The following UGT1A3 variants were observed in gnomAD, a reference collection of about 807,000 sequenced individuals.
UGT1A3 encodes the protein UDP glucuronosyltransferase family 1 member A3.
Under a neutral mutation model 41.0 loss-of-function variants are expected in UGT1A3, and 31 were observed. The observed-to-expected ratio is 0.76, with a 90% CI of 0.57 to 1.02. The LOEUF (loss-of-function observed/expected upper bound fraction) is 1.02, where lower values mean the gene tolerates loss of function less well. Among genes scored for constraint, UGT1A3 ranks in the 50% least tolerant of loss-of-function variants. The pLI is 0.00. For missense variants in UGT1A3, 737 were observed against 671.0 expected, an observed-to-expected ratio of 1.10 and a Z score of -1.09; for synonymous variants, 262 against 257.6, an observed-to-expected ratio of 1.02 and a Z score of -0.17.
intron 1 of UGT1A3, among the ~76,000 whole-genome samples, chr2:233,757,479 A>C (rs1206962025): frequency 6.8e-6 from 1 of 148,148 alleles, no homozygotes; most frequent in Non-Finnish European, 1.5e-5. Flanking sequence ...CTCCAAAACC[A>C]TGGACTGGCA....
chr2:233,730,050 A>G (rs763653483), intron 1 of UGT1A3, 57 bp downstream of exon 1: 3 of 1,612,234 alleles, frequency 1.9e-6, no homozygotes, highest in Non-Finnish European at 1.7e-6. Context: ...TTTTAAAAAA[A>G]TGTATTTATT....
intron 1 of UGT1A3, among the ~76,000 whole-genome samples, chr2:233,763,740 G>A (rs752841443): frequency 3.7e-4 from 57 of 152,188 alleles, no homozygotes; most frequent in Non-Finnish European, 5.6e-4. Flanking sequence ...GCATTGGCGT[G>A]TCTTTGGTGT....
At chr2:233,766,269 TCGG>T (rs1349388778) in intron 1 of UGT1A3, among the ~76,000 whole-genome samples, 29 of 67,888 alleles carry the variant, frequency 4.3e-4, no homozygotes, top group Admixed American at 8.2e-4. Context: ...TGGCCCGGGC[TCGG>T]TGGCCCGGGC....
intron 1 of UGT1A3, among the ~76,000 whole-genome samples, chr2:233,744,344 C>A (rs1692781957): frequency 6.6e-6 from 1 of 151,846 alleles, no homozygotes; most frequent in African/African-American, 2.4e-5. Flanking sequence ...CTGACTGGGG[C>A]TGAAGACATC....
chr2:233,769,089 A>G lies in UGT1A3; in HGVS notation c.1307+650A>G, dbSNP rs1396019687. Among the ~76,000 whole-genome samples the G allele has an allele frequency of 1.3e-5, 2 of 152,242 alleles. No individual in the cohort carries two copies. The highest frequency in any genetic ancestry group is 4.8e-5 in the African/African-American group (2 of 41,460). ...AGAAATACTCCATTATAAGAAGCAT[A>G]GTATCTTTAAGAGAAAAACAACTCA... On this transcript the variant is annotated intron_variant, in intron 4 of 4. Transcript: ENST00000482026. The surrounding 1 kb of genome is among the most constrained non-coding windows in gnomAD (Gnocchi z 4.4).
rs146432524 is a variant in UGT1A3, at chr2:233,729,522, A to G, written c.396A>G (p.Leu132=). The change falls in exon 1 of 5, where the codon CTA becomes CTG. Residue 132 remains leucine (L), a synonymous_variant. Coordinates refer to ENST00000482026, the MANE Select transcript of UGT1A3 (RefSeq NM_019093.4). ...LVYHRSCVEL[L]HNEALIRHLN... ...ATCATAGGTCTTGTGTGGAGCTACT[A>G]CATAATGAGGCCCTGATCAGGCACC... 1,184 of 1,614,192 alleles carry G rather than the reference A, an allele frequency of 7.3e-4. 2 individuals carry two copies. Among genetic ancestry groups the G allele is most frequent in the Non-Finnish European group, 9.8e-4 (1,156 of 1,180,024 alleles).
At chr2:233,746,498 T>C (rs4663968) in intron 1 of UGT1A3, among the ~76,000 whole-genome samples, 12,171 of 151,768 alleles carry the variant, frequency 0.08, 741 homozygotes, top group East Asian at 0.2. Flanking sequence ...TGTCACTCTT[T>C]AGTAGCCCCC....
rs373107890 is a variant in UGT1A3 at position 233,743,700 on chromosome 2, C to T, written c.867+13707C>T. On this transcript the variant is annotated intron_variant, in intron 1 of 4. Transcript: ENST00000482026. ...CTGCCGCCTGTGCAGCCGCCCTCCG[C>T]CCCCGCCTCGCCATAGCGGTCATAG... is the stretch of plus-strand genomic sequence containing the variant. 182 of 1,367,322 alleles carry T rather than the reference C, an allele frequency of 1.3e-4. 1 individual carries two copies. The highest frequency in any genetic ancestry group is 1.8e-4 in the Non-Finnish European group (179 of 1,021,848). 84.7% of individuals were successfully genotyped at this position (1,367,322 alleles called of 1,614,324 possible).
At chr2:233,756,273 T>C (rs976483084) in intron 1 of UGT1A3, 1 of 152,230 alleles carries the variant, frequency 6.6e-6, no homozygotes. Context: ...TCAAGCTCCT[T>C]TTATAAAATG....
rs1316951869 is a variant in UGT1A3 at position 233,743,957 on chromosome 2, A to G, written c.867+13964A>G. ...CGGCCCACCAGGCACTGGCACAGCG[A>G]GCGGCAAGGCTGCCAGCACCCAGGC... is the stretch of plus-strand genomic sequence containing the variant. On this transcript the variant is annotated intron_variant, in intron 1 of 4. Coordinates refer to ENST00000482026, the MANE Select transcript of UGT1A3 (RefSeq NM_019093.4). 4 of 1,338,466 alleles carry G rather than the reference A, an allele frequency of 3.0e-6. No individual in the cohort carries two copies. The Admixed American group carries it at 8.0e-5, about 27-fold the overall frequency. The allele number at this position is 1,338,466 out of a possible 1,614,324, so 82.9% of individuals were successfully genotyped here.
intron 1 of UGT1A3, among the ~76,000 whole-genome samples, chr2:233,765,362 C>T (rs923355848): frequency 3.3e-5 from 5 of 152,128 alleles, no homozygotes; most frequent in African/African-American, 7.2e-5. Context: ...AACCCAGATG[C>T]CCATCAATGG....
rs1226081470 is a variant in UGT1A3, at chr2:233,729,226, G to C, written c.100G>C (p.Val34Leu). Reference protein sequence around the residue: ...PWAESGKVLVVPIDGSHWLSM... With the variant: ...PWAESGKVLVLPIDGSHWLSM... ...GGCTGAGAGTGGAAAGGTGTTGGTG[G>C]TGCCCATTGATGGCAGCCACTGGCT... The change falls in exon 1 of 5, where the codon GTG (valine) becomes CTG (leucine). Residue 34 changes from valine (V) to leucine (L), a missense_variant. By Grantham distance (32) the Val-to-Leu change is conservative (BLOSUM62 1). Coordinates refer to ENST00000482026, the MANE Select transcript of UGT1A3 (RefSeq NM_019093.4). 1.2e-6 allele frequency: 2 copies of C among 1,614,168 alleles called. No homozygotes were observed. The highest frequency in any genetic ancestry group is 3.3e-5 in the Admixed American group (2 of 60,026).
intron 1 of UGT1A3, among the ~76,000 whole-genome samples, chr2:233,732,486 A>G (rs780972639): frequency 6.6e-6 from 1 of 152,226 alleles, no homozygotes; most frequent in Non-Finnish European, 1.5e-5. Context: ...TAATTTTTGT[A>G]TAAGGCGTAA....
intron 1 of UGT1A3, among the ~76,000 whole-genome samples, chr2:233,749,150 C>G (rs1694128023): frequency 6.6e-6 from 1 of 151,782 alleles, no homozygotes; most frequent in Non-Finnish European, 1.5e-5. Flanking sequence ...ACTTCCATGA[C>G]TTGATCCTTT....
In UGT1A3 at chr2:233,772,428, G is replaced by A. The variant is rs747543462; in HGVS notation, c.1474G>A (p.Val492Met). The change falls in exon 5 of 5, where the codon GTG becomes ATG. Residue 492 changes from valine (V) to methionine (M), a missense_variant. Coordinates refer to ENST00000482026, the MANE Select transcript of UGT1A3 (RefSeq NM_019093.4). ...CTGGTACCAGTACCATTCCTTGGAC[G>A]TGATTGGTTTCCTCTTGGCCGTCGT... The part of the protein sequence containing the change: ...LTWYQYHSLD[V>M]IGFLLAVVLT... 9 of 1,614,096 alleles carry A rather than the reference G, an allele frequency of 5.6e-6. No homozygotes were observed. The highest frequency in any genetic ancestry group is 3.3e-5 in the Admixed American group (2 of 60,006).
chr2:233,772,801 T>A lies in UGT1A3; in HGVS notation c.*242T>A. ...CTTTGATCAGGATGACATGTGCCATTTTTCAGAGGACGTGCAGACAGGCTG... is the reference window on the plus strand; with the variant it reads ...CTTTGATCAGGATGACATGTGCCATATTTCAGAGGACGTGCAGACAGGCTG... On this transcript the variant is annotated 3_prime_UTR_variant, in exon 5 of 5. Coordinates refer to ENST00000482026, the MANE Select transcript of UGT1A3 (RefSeq NM_019093.4). The A allele has an allele frequency of 2.6e-6, 3 of 1,145,220 alleles. No homozygotes were observed. Among genetic ancestry groups the A allele is most frequent in the South Asian group, 3.5e-5 (2 of 57,704 alleles). 70.9% of individuals were successfully genotyped at this position (1,145,220 alleles called of 1,614,324 possible).
At chr2:233,739,662 G>A (rs1426546706) in intron 1 of UGT1A3, among the ~76,000 whole-genome samples, 1 of 152,182 alleles carries the variant, frequency 6.6e-6, no homozygotes, top group African/African-American at 2.4e-5. Context: ...TACCCCCATT[G>A]TGTCTTGGAA....
Position 233,743,419 on chromosome 2 carries a change from G to A in UGT1A3, c.867+13426G>A, listed in dbSNP as rs577178509. The A allele has an allele frequency of 1.8e-5, 24 of 1,337,466 alleles. No individual in the cohort carries two copies. In the East Asian group the frequency reaches 1.2e-3, roughly 65 times the overall value. The allele number at this position is 1,337,466 out of a possible 1,614,324, so 82.8% of individuals were successfully genotyped here. On this transcript the variant is annotated intron_variant, in intron 1 of 4. Transcript: ENST00000482026. ...GGAAGAAAGGCCCCCACTTCCCAGG[G>A]AGCCAAAGGAACGAAATCCTGTATC... is the stretch of plus-strand genomic sequence containing the variant.
At chr2:233,738,602 T>A (rs1388412839) in intron 1 of UGT1A3, among the ~76,000 whole-genome samples, 2 of 152,210 alleles carry the variant, frequency 1.3e-5, no homozygotes, top group East Asian at 3.8e-4. Context: ...TGCTAAGCTT[T>A]AGCAAAGAAA....
Sources: allele counts gnomAD v4.1 joint callset (sites outside exome capture counted in the v4.1 genomes callset), GRCh38; gene constraint gnomAD v4.1.1; non-coding constraint Gnocchi (gnomAD v3.1); transcripts MANE v1.5; gene names NCBI Gene and HGNC (gene_info 2026-07-23, HGNC 2026-07-21).